Variants in KDM7A observed in about 807,000 individuals in gnomAD.
The protein encoded by KDM7A is lysine-specific demethylase 7A.
Under a neutral mutation model 114.8 loss-of-function variants are expected in KDM7A, and 28 were observed. The observed-to-expected ratio is 0.24, with a 90% CI of 0.18 to 0.33. KDM7A has a LOEUF of 0.33. KDM7A is among the 10% of genes least tolerant of loss of function. The probability of loss-of-function intolerance (pLI) is 1.00; values close to 1 mark genes in which losing one functional copy is unlikely to be tolerated. For synonymous variants in KDM7A, 423 were observed against 397.8 expected, an observed-to-expected ratio of 1.06 and a Z score of -0.75; for missense variants, 942 against 1,142.5, an observed-to-expected ratio of 0.82 and a Z score of 2.53.
chr7:140,169,794 G>T (rs1794618215), intron 1 of KDM7A, among the ~76,000 whole-genome samples: 1 of 152,182 alleles, frequency 6.6e-6, no homozygotes, highest in Non-Finnish European at 1.5e-5. Flanking sequence ...AAAGTGCTGG[G>T]ATTAGCGTGA....
At chr7:140,116,209 T>C (rs753765739) in intron 9 of KDM7A, among the ~76,000 whole-genome samples, 11 of 152,198 alleles carry the variant, frequency 7.2e-5, no homozygotes, top group African/African-American at 1.7e-4. Context: ...TTTTCCGTAA[T>C]TGTCAAAAAC....
At chr7:140,127,325 G>A in intron 5 of KDM7A, 117 bp downstream of exon 5, 1 of 842,030 alleles carries the variant, frequency 1.2e-6, no homozygotes, top group South Asian at 1.7e-5. Flanking sequence ...TTATAACATT[G>A]CTACCACTGG....
At chr7:140,122,906 T>C (rs553956653) in intron 7 of KDM7A, among the ~76,000 whole-genome samples, 27 of 152,290 alleles carry the variant, frequency 1.8e-4, no homozygotes, top group Admixed American at 5.9e-4. Flanking sequence ...AAGGATATTA[T>C]CAAGAAAGTG....
At position 140,085,886 on chromosome 7, in the gene KDM7A, T is replaced by C. The variant is rs868344899; in HGVS notation, c.*5208A>G. 1.3e-5 allele frequency: 2 copies of C among 152,244 alleles called. No homozygotes were observed. Among genetic ancestry groups the C allele is most frequent in the Non-Finnish European group, 2.9e-5 (2 of 68,050 alleles). The allele number at this position is 152,244 out of a possible 1,614,324, so 9.4% of individuals were successfully genotyped here. ...AAGGAATTAACTCCTCATTATATTT[T>C]ACATTTAATGCTGGTAAGTTTTACC... On this transcript the variant is annotated 3_prime_UTR_variant, in exon 20 of 20. Coordinates refer to ENST00000397560, the MANE Select transcript of KDM7A (RefSeq NM_030647.2).
At chr7:140,169,858 G>A (rs1037862178) in intron 1 of KDM7A, among the ~76,000 whole-genome samples, 6 of 152,134 alleles carry the variant, frequency 3.9e-5, no homozygotes, top group Admixed American at 1.3e-4. Flanking sequence ...AGAGAACTAT[G>A]TCCCATGCCT....
At chr7:140,124,536 C>A in intron 7 of KDM7A, 85 bp downstream of exon 7, 1 of 902,052 alleles carries the variant, frequency 1.1e-6, no homozygotes, top group Non-Finnish European at 1.6e-6. Flanking sequence ...ACTTTCCAAA[C>A]ATGTTAAAGC....
chr7:140,122,244 G>A (rs1818627857), intron 7 of KDM7A, among the ~76,000 whole-genome samples: 1 of 152,066 alleles, frequency 6.6e-6, no homozygotes, highest in Admixed American at 6.5e-5. Context: ...GCCTAGACAG[G>A]CACATACTGA....
In KDM7A at chr7:140,111,106, G is replaced by A; in HGVS notation, c.1417C>T (p.Arg473Ter). 2 of 1,585,408 alleles carry A rather than the reference G, an allele frequency of 1.3e-6. No homozygotes were observed. Among genetic ancestry groups the A allele is most frequent in the Non-Finnish European group, 1.7e-6 (2 of 1,156,174 alleles). ...HLIKELSKVI[R>*]AIEEENGKPV... ...GTTTCCACTCTTACCTCTATTGCTC[G>A]AATTACTTTAGAAAGTTCTTTAATA... Residue 473 changes from arginine to a stop codon, truncating the protein, a stop_gained, in exon 11 of 20, where the codon CGA becomes TGA. Transcript: ENST00000397560. LOFTEE classifies it high-confidence loss of function.
At chr7:140,138,704 T>C (rs1253564189) in intron 2 of KDM7A, among the ~76,000 whole-genome samples, 4 of 152,248 alleles carry the variant, frequency 2.6e-5, no homozygotes, top group Non-Finnish European at 5.9e-5. Flanking sequence ...CCTTAAAATA[T>C]AAGGCATATG....
At chr7:140,123,713 T>C (rs1244754729) in intron 7 of KDM7A, among the ~76,000 whole-genome samples, 2 of 152,180 alleles carry the variant, frequency 1.3e-5, no homozygotes, top group African/African-American at 4.8e-5. Flanking sequence ...TCAACCTGTA[T>C]ATCCCACAAT....
chr7:140,171,155 C>A (rs1794634090), intron 1 of KDM7A, among the ~76,000 whole-genome samples: 2 of 152,004 alleles, frequency 1.3e-5, no homozygotes, highest in Non-Finnish European at 2.9e-5. Flanking sequence ...CATACAACCA[C>A]CACCCAAGAT....
Position 140,176,584 on chromosome 7 carries a change from G to A in KDM7A, c.194+160C>T, listed in dbSNP as rs983921453. On this transcript the variant is annotated intron_variant, in intron 1 of 19. Transcript: ENST00000397560. The surrounding 1 kb of genome is among the most constrained non-coding windows in gnomAD (Gnocchi z 4.4). Reference sequence around the variant, plus strand: ...GCCCGCCCGGCGAACCCGGGGCACCGCGCGCCCCACTGCCCGGCCGGGGGG... The same window carrying A: ...GCCCGCCCGGCGAACCCGGGGCACCACGCGCCCCACTGCCCGGCCGGGGGG... Among the ~76,000 whole-genome samples, 40 of 146,558 alleles carry A rather than the reference G, an allele frequency of 2.7e-4. No homozygotes were observed. The highest frequency in any genetic ancestry group is 8.5e-4 in the African/African-American group (35 of 40,950).
intron 1 of KDM7A, among the ~76,000 whole-genome samples, chr7:140,155,223 C>A (rs1468033537): frequency 1.3e-5 from 2 of 152,130 alleles, no homozygotes. Flanking sequence ...AGTCTAATGA[C>A]TGAGTCAAAT....
chr7:140,171,490 A>ATACATAT (rs1794637932), intron 1 of KDM7A, among the ~76,000 whole-genome samples: 1 of 136,318 alleles, frequency 7.3e-6, no homozygotes, highest in African/African-American at 2.8e-5. Flanking sequence ...TTATATTTAT[A>ATACATAT]TTTATATACA....
chr7:140,166,335 C>CTTTTTT (rs746518929), intron 1 of KDM7A, among the ~76,000 whole-genome samples: 1 of 128,666 alleles, frequency 7.8e-6, no homozygotes, highest in African/African-American at 2.9e-5. Flanking sequence ...CTTTTTTTTC[C>CTTTTTT]TTTTTTTTTT....
Position 140,102,060 on chromosome 7 carries a change from T to G in KDM7A, c.1529A>C (p.Lys510Thr). 6.2e-7 allele frequency: 1 copy of G among 1,613,782 alleles called. No individual in the cohort carries two copies. ...EATSPYHSRR[K>T]MRKLRDHNVR... Reference sequence around the variant, plus strand: ...ATTATGATCTCGAAGTTTCCTCATCTTTCTTCGGGAATGGTATGGGGAAGT... The same window carrying G: ...ATTATGATCTCGAAGTTTCCTCATCGTTCTTCGGGAATGGTATGGGGAAGT... The change falls in exon 12 of 20, where the codon AAG becomes ACG. Residue 510 changes from lysine to threonine, a missense_variant. By Grantham distance (78) the Lys-to-Thr change is moderately conservative. Transcript: ENST00000397560.
At chr7:140,161,473 T>C (rs1224705063) in intron 1 of KDM7A, among the ~76,000 whole-genome samples, 2 of 152,240 alleles carry the variant, frequency 1.3e-5, no homozygotes, top group Non-Finnish European at 2.9e-5. Context: ...TTCCAGACAA[T>C]GGAAATATAT....
At chr7:140,148,084 G>C (rs183514916) in intron 1 of KDM7A, among the ~76,000 whole-genome samples, 23 of 152,158 alleles carry the variant, frequency 1.5e-4, no homozygotes, top group African/African-American at 5.1e-4. Flanking sequence ...AGCCAACACT[G>C]CCCTAATCAA....
At chr7:140,155,914 A>T (rs1176043868) in intron 1 of KDM7A, among the ~76,000 whole-genome samples, 2 of 152,244 alleles carry the variant, frequency 1.3e-5, no homozygotes, top group African/African-American at 4.8e-5. Flanking sequence ...GTTACATTTC[A>T]CAAGTAGAAC....
Sources: gnomAD v4.1 joint callset for allele counts (sites outside exome capture counted in the v4.1 genomes callset) on GRCh38, gnomAD v4.1.1 for gene constraint, Gnocchi (gnomAD v3.1) non-coding constraint, MANE v1.5 for transcripts, NCBI Gene and HGNC (gene_info 2026-07-23, HGNC 2026-07-21) for gene names.